Variants in ZNF608 observed in about 807,000 individuals in gnomAD.
ZNF608 encodes renal carcinoma antigen NY-REN-36.
A neutral mutation model predicts 109.0 loss-of-function variants in ZNF608; 12 were observed. The ratio of observed to expected loss-of-function variants is 0.11; its 90% CI spans 0.07 to 0.18. The LOEUF is 0.18. Ranked by LOEUF, ZNF608 falls within the 10% of genes least tolerant of loss-of-function variation. The pLI is 1.00. For missense variants in ZNF608, 1,707 were observed against 1,879.3 expected (o/e 0.91, Z 1.70); for synonymous variants, 732 against 717.4 (o/e 1.02, Z -0.33).
intron 3 of ZNF608, among the ~76,000 whole-genome samples, chr5:124,650,125 T>C (rs1561537121): frequency 6.6e-6 from 1 of 152,392 alleles, no homozygotes; most frequent in East Asian, 1.9e-4. Flanking sequence ...AAGGAATCGG[T>C]TTTGTTTCCA....
intron 3 of ZNF608, among the ~76,000 whole-genome samples, chr5:124,665,299 C>A: frequency 6.6e-6 from 1 of 152,200 alleles, no homozygotes; most frequent in Non-Finnish European, 1.5e-5. Flanking sequence ...TCTCTCCCTG[C>A]AACTCCCACC....
At chr5:124,736,482 T>A (rs1749153227) in intron 2 of ZNF608, among the ~76,000 whole-genome samples, 1 of 152,176 alleles carries the variant, frequency 6.6e-6, no homozygotes, top group Admixed American at 6.5e-5. Flanking sequence ...ATCCTGATGA[T>A]GTGTGAGGTG....
In ZNF608 at chr5:124,744,112, C is replaced by A; in HGVS notation, c.878G>T (p.Arg293Met). ...CTCAGTTTTCAGTTTCTTGATTCGC[C>A]TGTGGCTCTCCTCCTCCTCCTCTTC... ...KKEEEEEESH[R>M]RIKKLKTEKV... The change falls in exon 2 of 10, where the codon AGG becomes ATG. Residue 293 changes from arginine to methionine, a missense_variant. Physicochemically the swap from Arg to Met is moderately conservative, Grantham distance 91. Coordinates refer to ENST00000513986, the MANE Select transcript of ZNF608 (RefSeq NM_020747.3). The surrounding 1 kb of genome is among the most constrained non-coding windows in gnomAD (Gnocchi z 4.5). The A allele has an allele frequency of 6.2e-7, 1 of 1,601,782 alleles. No homozygotes were observed. Among genetic ancestry groups the A allele is most frequent in the Non-Finnish European group, 8.5e-7 (1 of 1,174,066 alleles).
intron 2 of ZNF608, among the ~76,000 whole-genome samples, chr5:124,701,930 T>C (rs1159346801): frequency 1.3e-5 from 2 of 152,198 alleles, no homozygotes; most frequent in African/African-American, 4.8e-5. Flanking sequence ...AACTTGAGTT[T>C]TTCCAATGCA....
At chr5:124,644,832 C>T (rs1015426631) in intron 5 of ZNF608, among the ~76,000 whole-genome samples, 171 bp from the exon 6 acceptor site, 1 of 152,194 alleles carries the variant, frequency 6.6e-6, no homozygotes, top group Admixed American at 6.5e-5. Flanking sequence ...CCTTCTCTTA[C>T]AAAGTAATAA....
chr5:124,725,386 T>C (rs1307338794), intron 2 of ZNF608, among the ~76,000 whole-genome samples: 1 of 152,012 alleles, frequency 6.6e-6, no homozygotes, highest in Admixed American at 6.6e-5. Flanking sequence ...AGGCATATAA[T>C]AGACATTCAA....
chr5:124,640,218 TGGCAA>T (rs1158331936), intron 8 of ZNF608, among the ~76,000 whole-genome samples: 2 of 152,238 alleles, frequency 1.3e-5, no homozygotes, highest in African/African-American at 4.8e-5. Context: ...AGAGGCAACT[TGGCAA>T]GTGCAATAGA....
Position 124,744,514 on chromosome 5 carries a change from C to G in ZNF608, c.476G>C (p.Ser159Thr). The change falls in exon 2 of 10, where the codon AGC becomes ACC. Residue 159 changes from serine to threonine, a missense_variant. Physicochemically the swap from Ser to Thr is moderately conservative, Grantham distance 58 (BLOSUM62 1). This residue lies in a region of ZNF608 where 407 missense variants were observed against 398.7 expected (regional missense o/e 1.02). Coordinates refer to ENST00000513986, the MANE Select transcript of ZNF608 (RefSeq NM_020747.3). This position sits in a 1 kb window ranked among gnomAD's most constrained non-coding sequence, Gnocchi z 4.5. ...GCTGTTTGGGTTGCCGCTGCCGCCGCTGCTCACACTTTGACCCAGCGCTGA... is the reference window on the plus strand; with the variant it reads ...GCTGTTTGGGTTGCCGCTGCCGCCGGTGCTCACACTTTGACCCAGCGCTGA... ...MNSALGQSVS[S>T]GGSGNPNSNS... 1.2e-6 allele frequency: 2 copies of G among 1,614,262 alleles called. No homozygotes were observed. The highest frequency in any genetic ancestry group is 1.7e-6 in the Non-Finnish European group (2 of 1,180,044).
intron 4 of ZNF608, 107 bp downstream of exon 4, chr5:124,649,503 G>A: frequency 1.1e-6 from 1 of 877,766 alleles, no homozygotes; most frequent in Non-Finnish European, 1.7e-6. Context: ...TTTCTCCTTT[G>A]CCTGGTTTCA....
At chr5:124,670,175 C>T (rs1042342750) in intron 3 of ZNF608, among the ~76,000 whole-genome samples, 6 of 152,152 alleles carry the variant, frequency 3.9e-5, no homozygotes, top group Admixed American at 1.3e-4. Flanking sequence ...GCTGTGGCTA[C>T]TCACAAAAGA....
chr5:124,710,219 G>C (rs1187196854), intron 2 of ZNF608: 2 of 455,880 alleles, frequency 4.4e-6, no homozygotes, highest in African/African-American at 2.0e-5. Context: ...AAGAAAGAAA[G>C]GCAGGAAGAA....
At chr5:124,649,532 T>C in intron 4 of ZNF608, 78 bp downstream of exon 4, 3 of 1,176,416 alleles carry the variant, frequency 2.6e-6, no homozygotes, top group Non-Finnish European at 3.7e-6. Flanking sequence ...CACACTTTTA[T>C]GTATTATGAA....
chr5:124,726,662 T>TAAAAC (rs1291796006), intron 2 of ZNF608, among the ~76,000 whole-genome samples: 1 of 135,572 alleles, frequency 7.4e-6, no homozygotes, highest in Non-Finnish European at 1.6e-5. Flanking sequence ...AAGATTTGTT[T>TAAAAC]AAAAAAAAAA....
intron 3 of ZNF608, chr5:124,666,428 C>T (rs1386773164): frequency 1.3e-5 from 2 of 152,224 alleles, no homozygotes; most frequent in Non-Finnish European, 2.9e-5. Context: ...AGCTGAAATA[C>T]TAAAAGATAA....
intron 2 of ZNF608, among the ~76,000 whole-genome samples, chr5:124,728,624 A>T (rs1308452879): frequency 1.3e-5 from 2 of 152,224 alleles, no homozygotes; most frequent in Admixed American, 1.3e-4. Context: ...AGCCATTTTT[A>T]AATGCTGAAG....
At chr5:124,691,481 T>C (rs1366734844) in intron 3 of ZNF608, among the ~76,000 whole-genome samples, 1 of 152,232 alleles carries the variant, frequency 6.6e-6, no homozygotes, top group Non-Finnish European at 1.5e-5. Context: ...ATTCCACTTC[T>C]GAGTTATTTA....
chr5:124,746,443 G>A lies in ZNF608; in HGVS notation c.-432C>T. Reference sequence around the variant, plus strand: ...TGTCACTGTACAGCTGGAAAATAATGTTTCACATTCACAACAGAAGCACCA... The same window carrying A: ...TGTCACTGTACAGCTGGAAAATAATATTTCACATTCACAACAGAAGCACCA... On this transcript the variant is annotated 5_prime_UTR_variant, in exon 1 of 10. Coordinates refer to ENST00000513986, the MANE Select transcript of ZNF608 (RefSeq NM_020747.3). 1 of 985,094 alleles carries A rather than the reference G, an allele frequency of 1.0e-6. No individual in the cohort carries two copies. The highest frequency in any genetic ancestry group is 1.7e-5 in the African/African-American group (1 of 57,234). 61.0% of individuals were successfully genotyped at this position (985,094 alleles called of 1,614,324 possible).
intron 3 of ZNF608, among the ~76,000 whole-genome samples, chr5:124,672,428 C>T (rs537310620): frequency 2.0e-5 from 3 of 152,184 alleles, no homozygotes; most frequent in Non-Finnish European, 4.4e-5. Flanking sequence ...TAACTATGCC[C>T]TCAATTACCT....
chr5:124,719,914 C>T (rs1753840000), intron 2 of ZNF608, among the ~76,000 whole-genome samples: 1 of 152,166 alleles, frequency 6.6e-6, no homozygotes, highest in Admixed American at 6.5e-5. Context: ...ATTTGCTAGA[C>T]TAAAAGCACA....
Sources: allele counts gnomAD v4.1 joint callset (sites outside exome capture counted in the v4.1 genomes callset), GRCh38; gene constraint gnomAD v4.1.1; regional missense constraint gnomAD v4.1.1; non-coding constraint Gnocchi (gnomAD v3.1); transcripts MANE v1.5; gene names NCBI Gene and HGNC (gene_info 2026-07-23, HGNC 2026-07-21).